XKR4: variants seen among roughly 807,000 people sequenced by gnomAD.
XKR4 encodes the protein XK related 4.
A neutral mutation model predicts 53.9 loss-of-function variants in XKR4; 12 were observed. The observed-to-expected ratio is 0.22, with a 90% CI of 0.14 to 0.36. XKR4 has a LOEUF of 0.36. XKR4 is among the 10% of genes least tolerant of loss of function. The pLI is 1.00. For missense variants in XKR4, 799 were observed against 859.5 expected (o/e 0.93, Z 0.88); for synonymous variants, 354 against 362.4 (o/e 0.98, Z 0.26).
intron 1 of XKR4, among the ~76,000 whole-genome samples, chr8:55,206,123 C>T (rs754043740): frequency 2.6e-5 from 4 of 152,188 alleles, no homozygotes; most frequent in African/African-American, 9.7e-5. Flanking sequence ...AAAGGCAGTG[C>T]GGACCCAAAG....
intron 2 of XKR4, among the ~76,000 whole-genome samples, chr8:55,440,979 T>A (rs2658928): frequency 0.56 from 84,093 of 151,138 alleles, 24,886 homozygotes; most frequent in African/African-American, 0.76. Context: ...TTTGCAGAGC[T>A]GTGGCAGGAA....
intron 2 of XKR4, chr8:55,452,093 G>A (rs1362736293): frequency 1.4e-6 from 1 of 699,710 alleles, no homozygotes; most frequent in Non-Finnish European, 2.6e-6. Flanking sequence ...CGGGTGTGTA[G>A]GTAGAGCCCA....
intron 1 of XKR4, among the ~76,000 whole-genome samples, chr8:55,296,799 A>G (rs1585994238): frequency 6.6e-6 from 1 of 152,200 alleles, no homozygotes; most frequent in East Asian, 1.9e-4. Flanking sequence ...GGCAATTTTC[A>G]TACTCACCAC....
intron 2 of XKR4, chr8:55,452,761 T>C: frequency 1.2e-6 from 1 of 818,820 alleles, no homozygotes. Flanking sequence ...CCGCTCCCCG[T>C]GTCATAGCTC....
At chr8:55,461,594 C>A (rs183934628) in intron 2 of XKR4, among the ~76,000 whole-genome samples, 30 of 152,332 alleles carry the variant, frequency 2.0e-4, no homozygotes, top group Non-Finnish European at 4.1e-4. Context: ...GAACACAGCT[C>A]CTCACCAGCA....
chr8:55,331,859 C>T (rs539242296), intron 1 of XKR4, among the ~76,000 whole-genome samples: 1 of 152,124 alleles, frequency 6.6e-6, no homozygotes, highest in South Asian at 2.1e-4. Context: ...TTACAGACAG[C>T]ATGTAATTGG....
chr8:55,371,763 C>T, intron 2 of XKR4, among the ~76,000 whole-genome samples: 1 of 152,110 alleles, frequency 6.6e-6, no homozygotes, highest in East Asian at 1.9e-4. Flanking sequence ...ATGGTACCAC[C>T]CCAAGTTATA....
chr8:55,450,875 C>G, intron 2 of XKR4: 3 of 472,624 alleles, frequency 6.3e-6, no homozygotes, highest in Non-Finnish European at 1.2e-5. Flanking sequence ...AGGAGCTCCC[C>G]CCTCCCAGCA....
At chr8:55,334,224 G>A (rs1563326519) in intron 1 of XKR4, among the ~76,000 whole-genome samples, 1 of 152,304 alleles carries the variant, frequency 6.6e-6, no homozygotes, top group South Asian at 2.1e-4. Flanking sequence ...TCACTATGAA[G>A]TGATTACATA....
chr8:55,202,222 T>A (rs188105926), intron 1 of XKR4, among the ~76,000 whole-genome samples: 283 of 152,182 alleles, frequency 1.9e-3, no homozygotes, highest in African/African-American at 6.6e-3. Context: ...CAGTCGGGGG[T>A]ATGAGGGACC....
chr8:55,293,628 A>G (rs528779005), intron 1 of XKR4, among the ~76,000 whole-genome samples: 1 of 152,184 alleles, frequency 6.6e-6, no homozygotes, highest in Non-Finnish European at 1.5e-5. Flanking sequence ...ATGTAATTTT[A>G]GTAAAATTGC....
intron 1 of XKR4, among the ~76,000 whole-genome samples, chr8:55,105,011 A>T (rs568320975): frequency 4.0e-4 from 61 of 152,210 alleles, no homozygotes; most frequent in Non-Finnish European, 5.9e-4. Flanking sequence ...TTTGGAAATC[A>T]CTTAATTTTA....
chr8:55,467,605 A>G (rs879714707), intron 2 of XKR4, among the ~76,000 whole-genome samples: 2 of 152,114 alleles, frequency 1.3e-5, no homozygotes, highest in Admixed American at 1.3e-4. Context: ...AAGAACGTTT[A>G]TACTCCACCG....
intron 2 of XKR4, among the ~76,000 whole-genome samples, chr8:55,446,472 G>A (rs1487407566): frequency 6.6e-6 from 1 of 152,096 alleles, no homozygotes; most frequent in Non-Finnish European, 1.5e-5. Context: ...CTCCCGAGTA[G>A]CTGGGATTAC....
chr8:55,173,245 C>G (rs141495363), intron 1 of XKR4, among the ~76,000 whole-genome samples: 1 of 151,928 alleles, frequency 6.6e-6, no homozygotes, highest in Non-Finnish European at 1.5e-5. Flanking sequence ...GGGTACTGCA[C>G]GCACACTAAA....
At chr8:55,208,139 T>C (rs1176739804) in intron 1 of XKR4, among the ~76,000 whole-genome samples, 1 of 152,240 alleles carries the variant, frequency 6.6e-6, no homozygotes, top group African/African-American at 2.4e-5. Context: ...AATTAACATA[T>C]TCTTCATCTC....
chr8:55,376,198 A>G lies in XKR4; in HGVS notation c.1006+18321A>G, dbSNP rs190620888. On this transcript the variant is annotated intron_variant, in intron 2 of 2. Coordinates refer to ENST00000327381, the MANE Select transcript of XKR4 (RefSeq NM_052898.2). The stretch of plus-strand genomic sequence containing the variant: ...AGTCCTGCAGTGAACATACATGTGC[A>G]TGTATCTTTGCAATATAATGATTTA... Among the ~76,000 whole-genome samples, 347 of 152,286 alleles carry G rather than the reference A, an allele frequency of 2.3e-3. 1 individual carries two copies. The highest frequency in any genetic ancestry group is 2.6e-3 in the Non-Finnish European group (177 of 68,026).
chr8:55,237,068 G>A (rs1002047444), intron 1 of XKR4, among the ~76,000 whole-genome samples: 1 of 152,130 alleles, frequency 6.6e-6, no homozygotes, highest in African/African-American at 2.4e-5. Flanking sequence ...ATTTGAAGTC[G>A]ACTTCCACTC....
Position 55,533,219 on chromosome 8 carries a change from G to A in XKR4, c.*8992G>A, listed in dbSNP as rs553784379. On this transcript the variant is annotated 3_prime_UTR_variant, in exon 3 of 3. Coordinates refer to ENST00000327381, the MANE Select transcript of XKR4 (RefSeq NM_052898.2). ...AAAATGAGCACTTTGTGTGTTGAGCGCTGTTGCATTCACTTAGCAATTAAC... is the reference window on the plus strand; with the variant it reads ...AAAATGAGCACTTTGTGTGTTGAGCACTGTTGCATTCACTTAGCAATTAAC... 3.3e-5 allele frequency: 5 copies of A among 152,252 alleles called. No homozygotes were observed. Among genetic ancestry groups the A allele is most frequent in the South Asian group, 2.1e-4 (1 of 4,828 alleles). The allele number at this position is 152,252 out of a possible 1,614,324, so 9.4% of individuals were successfully genotyped here. A position where few individuals can be genotyped will look rare whatever the true frequency, so the allele number is the denominator to read the frequency against.
Sources: allele counts gnomAD v4.1 joint callset (sites outside exome capture counted in the v4.1 genomes callset), GRCh38; gene constraint gnomAD v4.1.1; transcripts MANE v1.5; gene names NCBI Gene and HGNC (gene_info 2026-07-23, HGNC 2026-07-21).